Variants in SLC12A3 observed in about 807,000 individuals in gnomAD.
The protein encoded by SLC12A3 is solute carrier family 12 member 3.
In SLC12A3, 104 loss-of-function variants were observed where a neutral mutation model predicts 121.0. The observed-to-expected ratio is 0.86, with a 90% CI of 0.73 to 1.01. The LOEUF is 1.01. Ranked by LOEUF, SLC12A3 falls within the 50% of genes least tolerant of loss-of-function variation. The pLI, the probability that SLC12A3 is intolerant of heterozygous loss-of-function variation, is 0.00. For synonymous variants in SLC12A3, 536 were observed against 533.4 expected (o/e 1.00, Z -0.07); for missense variants, 1,328 against 1,356.3 (o/e 0.98, Z 0.33).
At chr16:56,887,885 C>A (rs757571350) in intron 17 of SLC12A3, 40 bp from the exon 18 acceptor site, 4 of 1,510,436 alleles carry the variant, frequency 2.6e-6, no homozygotes, top group East Asian at 2.3e-5. Flanking sequence ...CAACTCTGCC[C>A]CTCTGATGGG....
At chr16:56,870,519 C>T (rs544040097) in intron 5 of SLC12A3, 107 bp from the exon 6 acceptor site, 123 of 831,268 alleles carry the variant, frequency 1.5e-4, no homozygotes, top group South Asian at 1.3e-3. Flanking sequence ...GAGTTAACAT[C>T]GTCCTAGCAG....
At chr16:56,901,196 C>T (rs1262624517) in intron 23 of SLC12A3, among the ~76,000 whole-genome samples, 2 of 152,158 alleles carry the variant, frequency 1.3e-5, no homozygotes, top group Non-Finnish European at 2.9e-5. Context: ...GTTCTTCATC[C>T]TTGACCTCAC....
intron 25 of SLC12A3, among the ~76,000 whole-genome samples, chr16:56,906,184 A>G (rs751244601): frequency 2.3e-4 from 35 of 152,078 alleles, no homozygotes; most frequent in Non-Finnish European, 4.4e-4. Context: ...AACTCAAACT[A>G]TTTTCCCCCT....
intron 8 of SLC12A3, 47 bp from the exon 9 acceptor site, chr16:56,878,030 C>CCCACACAACCCAA: frequency 1.6e-6 from 1 of 614,856 alleles, no homozygotes; most frequent in East Asian, 3.0e-5. Context: ...GTCCCTCCCT[C>CCCACACAACCCAA]CCTCTCTCCC....
chr16:56,910,704 G>T (rs2055673830), intron 25 of SLC12A3, among the ~76,000 whole-genome samples: 1 of 152,214 alleles, frequency 6.6e-6, no homozygotes, highest in Non-Finnish European at 1.5e-5. Flanking sequence ...CTTCAGAGAA[G>T]TTAAGCAACT....
chr16:56,873,374 C>CTT (rs59478629), intron 8 of SLC12A3, among the ~76,000 whole-genome samples: 956 of 75,226 alleles, frequency 0.013, 47 homozygotes, highest in Non-Finnish European at 0.018. Context: ...CTCTTTCTTT[C>CTT]TTTTTTTTTT....
Position 56,890,858 on chromosome 16 carries a change from C to T in SLC12A3, c.2368+502C>T, listed in dbSNP as rs571891855. Reference sequence around the variant, plus strand: ...TGGATGTTGCAGTGAGCCAAGATCGCGCCATTGCACTCCATCCTGGGTGAC... The same window carrying T: ...TGGATGTTGCAGTGAGCCAAGATCGTGCCATTGCACTCCATCCTGGGTGAC... On this transcript the variant is annotated intron_variant, in intron 19 of 25. Coordinates refer to ENST00000563236, the MANE Select transcript of SLC12A3 (RefSeq NM_001126108.2). Among the ~76,000 whole-genome samples, 12 of 149,154 alleles carry T rather than the reference C, an allele frequency of 8.0e-5. No individual in the cohort carries two copies. In the South Asian group the frequency reaches 1.1e-3, roughly 13 times the overall value.
At position 56,869,762 on chromosome 16, in the gene SLC12A3, C is replaced by G. The variant is rs146158333; in HGVS notation, c.539C>G (p.Thr180Arg). 2 of 1,614,170 alleles carry G rather than the reference C, an allele frequency of 1.2e-6. No individual in the cohort carries two copies. The highest frequency in any genetic ancestry group is 1.7e-6 in the Non-Finnish European group (2 of 1,180,014). ...TGGATCATCATCCTGCTGTCGGTCA[C>G]GGTGACCTCCATCACAGGCCTCTCC... ...LTWIIILLSVTVTSITGLSIS... is the reference protein window; with the variant it reads ...LTWIIILLSVRVTSITGLSIS... Residue 180 changes from threonine (T) to arginine (R), a missense_variant, in exon 4 of 26, where the codon ACG (threonine) becomes AGG (arginine). Physicochemically the swap from Thr to Arg is moderately conservative, Grantham distance 71. Coordinates refer to ENST00000563236, the MANE Select transcript of SLC12A3 (RefSeq NM_001126108.2).
chr16:56,900,198 A>G (rs2055519409), intron 23 of SLC12A3, among the ~76,000 whole-genome samples: 1 of 152,084 alleles, frequency 6.6e-6, no homozygotes, highest in Non-Finnish European at 1.5e-5. Context: ...AAGGAAATCA[A>G]GACAAGCAGA....
At chr16:56,895,253 G>A (rs8061305) in intron 22 of SLC12A3, among the ~76,000 whole-genome samples, 7 of 143,098 alleles carry the variant, frequency 4.9e-5, no homozygotes, top group African/African-American at 1.1e-4. Context: ...GTGCAGTGAC[G>A]CAATCTCGGC....
At chr16:56,891,261 A>G (rs2055384526) in intron 19 of SLC12A3, among the ~76,000 whole-genome samples, 1 of 150,126 alleles carries the variant, frequency 6.7e-6, no homozygotes, top group African/African-American at 2.5e-5. Context: ...AGTCTCAGCT[A>G]CTTGGGAAGC....
chr16:56,902,911 C>T (rs1447251086), intron 24 of SLC12A3, among the ~76,000 whole-genome samples: 4 of 152,056 alleles, frequency 2.6e-5, no homozygotes, highest in East Asian at 1.9e-4. Flanking sequence ...TTTGGGAGGC[C>T]GAGGCAGGTG....
rs183413567 is a variant in SLC12A3 at position 56,881,350 on chromosome 16, T to G, written c.1568-1046T>G. Among the ~76,000 whole-genome samples the G allele has an allele frequency of 3.3e-5, 5 of 152,306 alleles. No individual in the cohort carries two copies. In the East Asian group the frequency reaches 9.7e-4, roughly 29 times the overall value. On this transcript the variant is annotated intron_variant, in intron 12 of 25. Coordinates refer to ENST00000563236, the MANE Select transcript of SLC12A3 (RefSeq NM_001126108.2). Reference sequence around the variant, plus strand: ...GATGGAAAAGTCTGGTCAGACTTGATGTTCCCCGGCCCCGTCTCTGCTTCC... The same window carrying G: ...GATGGAAAAGTCTGGTCAGACTTGAGGTTCCCCGGCCCCGTCTCTGCTTCC...
intron 8 of SLC12A3, among the ~76,000 whole-genome samples, chr16:56,874,963 C>T (rs1436579702): frequency 1.3e-5 from 2 of 152,178 alleles, no homozygotes; most frequent in African/African-American, 4.8e-5. Context: ...GAATGGCCAG[C>T]AGAGGCCTGG....
intron 12 of SLC12A3, 61 bp from the exon 13 acceptor site, chr16:56,882,335 C>A: frequency 7.0e-7 from 1 of 1,433,172 alleles, no homozygotes; most frequent in Non-Finnish European, 9.9e-7. Flanking sequence ...AGGAGGGTGC[C>A]AAGCCAGTCC....
At chr16:56,869,909 G>A in intron 4 of SLC12A3, 85 bp downstream of exon 4, 1 of 1,398,052 alleles carries the variant, frequency 7.2e-7, no homozygotes, top group Non-Finnish European at 1.0e-6. Context: ...CCAACCCAAT[G>A]GTACACCCAG....
At chr16:56,908,699 A>G (rs138464424) in intron 25 of SLC12A3, among the ~76,000 whole-genome samples, 1 of 152,266 alleles carries the variant, frequency 6.6e-6, no homozygotes, top group East Asian at 1.9e-4. Flanking sequence ...TTTTGTACAA[A>G]GAAAGTGCCC....
In SLC12A3 at chr16:56,913,621, A is replaced by G. The variant is rs1437966912; in HGVS notation, c.*216A>G. The G allele has an allele frequency of 6.6e-6, 4 of 606,262 alleles. No individual in the cohort carries two copies. In the African/African-American group the frequency reaches 7.4e-5, roughly 11 times the overall value. 37.6% of individuals were successfully genotyped at this position (606,262 alleles called of 1,614,324 possible). ...GGTCTTGTGTTTATAGGCTAGAGAA[A>G]TAGCAGATGGAGCTGCAAGGAAAAC... On this transcript the variant is annotated 3_prime_UTR_variant, in exon 26 of 26. Transcript: ENST00000563236.
At chr16:56,877,915 A>G (rs2055184032) in intron 8 of SLC12A3, among the ~76,000 whole-genome samples, 162 bp from the exon 9 acceptor site, 1 of 152,164 alleles carries the variant, frequency 6.6e-6, no homozygotes, top group African/African-American at 2.4e-5. Flanking sequence ...CTGTGCTGGA[A>G]CAGGGGCTCT....
Sources: allele counts gnomAD v4.1 joint callset (sites outside exome capture counted in the v4.1 genomes callset), GRCh38; gene constraint gnomAD v4.1.1; transcripts MANE v1.5; gene names NCBI Gene and HGNC (gene_info 2026-07-23, HGNC 2026-07-21).